Variants in CDH8 observed in about 807,000 individuals in gnomAD.
CDH8 encodes cadherin-8.
CDH8 carries 17 observed loss-of-function variants against 68.1 expected under a neutral mutation model. The ratio of observed to expected loss-of-function variants is 0.25; its 90% CI spans 0.17 to 0.37. The LOEUF is 0.37. CDH8 is among the 10% of genes least tolerant of loss of function. CDH8 has a pLI of 1.00. For synonymous variants in CDH8, 372 were observed against 365.1 expected (o/e 1.02, Z -0.21); for missense variants, 763 against 999.3 (o/e 0.76, Z 3.19).
intron 7 of CDH8, among the ~76,000 whole-genome samples, chr16:61,796,607 A>G (rs1320760876): frequency 6.6e-6 from 1 of 152,078 alleles, no homozygotes; most frequent in Non-Finnish European, 1.5e-5. Context: ...TTCACAAGAG[A>G]CTTATTTAAA....
chr16:61,658,924 T>A (rs1963502642), intron 10 of CDH8, among the ~76,000 whole-genome samples: 1 of 152,190 alleles, frequency 6.6e-6, no homozygotes, highest in Non-Finnish European at 1.5e-5. Flanking sequence ...AATGTCCACA[T>A]CTTTTGTTAG....
chr16:61,906,290 A>C (rs1383701606), intron 2 of CDH8, among the ~76,000 whole-genome samples: 1 of 152,166 alleles, frequency 6.6e-6, no homozygotes, highest in Non-Finnish European at 1.5e-5. Context: ...AAAAACATAG[A>C]CACCATTCTC....
At position 61,817,590 on chromosome 16, in the gene CDH8, G is replaced by A. The variant is rs770177053; in HGVS notation, c.1166C>T (p.Pro389Leu). 2.5e-6 allele frequency: 4 copies of A among 1,613,958 alleles called. No homozygotes were observed. Among genetic ancestry groups the A allele is most frequent in the Non-Finnish European group, 3.4e-6 (4 of 1,179,970 alleles). Residue 389 changes from proline to leucine, a missense_variant, in exon 7 of 12, where the codon CCG (proline) becomes CTG (leucine). Pro to Leu is a moderately conservative substitution (Grantham distance 98). Transcript: ENST00000577390. ...TAGGTAAGTCGGTGAAGAGAAGACCGGAGGCTCATCAGCATCTTCAACCAC... is the reference window on the plus strand; with the variant it reads ...TAGGTAAGTCGGTGAAGAGAAGACCAGAGGCTCATCAGCATCTTCAACCAC... ...KIVVEDADEPPVFSSPTYLLE... is the reference protein window; with the variant it reads ...KIVVEDADEPLVFSSPTYLLE...
intron 2 of CDH8, among the ~76,000 whole-genome samples, chr16:61,930,111 T>C (rs1361331161): frequency 6.6e-6 from 1 of 152,100 alleles, no homozygotes; most frequent in Non-Finnish European, 1.5e-5. Context: ...TGATTATAAC[T>C]GAGAGCTGAA....
At chr16:61,731,497 C>T (rs1213657117) in intron 8 of CDH8, among the ~76,000 whole-genome samples, 1 of 151,626 alleles carries the variant, frequency 6.6e-6, no homozygotes, top group Non-Finnish European at 1.5e-5. Flanking sequence ...AAAGAGAGCC[C>T]TGCCAAAACC....
chr16:61,767,090 A>G (rs1960614849), intron 8 of CDH8, among the ~76,000 whole-genome samples: 1 of 151,956 alleles, frequency 6.6e-6, no homozygotes, highest in Admixed American at 6.6e-5. Flanking sequence ...TTCTTCTGCT[A>G]TGCTGACACT....
At chr16:61,748,303 C>T (rs1367896155) in intron 8 of CDH8, among the ~76,000 whole-genome samples, 1 of 151,884 alleles carries the variant, frequency 6.6e-6, no homozygotes, top group Non-Finnish European at 1.5e-5. Flanking sequence ...TTTAATTTTC[C>T]TAACAATCCT....
intron 2 of CDH8, among the ~76,000 whole-genome samples, chr16:62,017,385 G>A (rs1901966735): frequency 6.6e-6 from 1 of 152,102 alleles, no homozygotes; most frequent in Admixed American, 6.6e-5. Flanking sequence ...AACTCTCTAA[G>A]AATATGACTT....
At chr16:61,808,764 T>G (rs1358468996) in intron 7 of CDH8, among the ~76,000 whole-genome samples, 1 of 152,196 alleles carries the variant, frequency 6.6e-6, no homozygotes, top group East Asian at 1.9e-4. Flanking sequence ...CCAACAGTCT[T>G]GTGTAGGGGG....
chr16:61,944,829 A>AT, intron 2 of CDH8, among the ~76,000 whole-genome samples: 1 of 152,270 alleles, frequency 6.6e-6, no homozygotes, highest in Admixed American at 6.5e-5. Context: ...TGGTTTTCTC[A>AT]TTTTTTTAAA....
chr16:61,774,497 C>T (rs2142990060), intron 8 of CDH8, among the ~76,000 whole-genome samples: 1 of 151,274 alleles, frequency 6.6e-6, no homozygotes, highest in Non-Finnish European at 1.5e-5. Flanking sequence ...ATCCAGAAAG[C>T]CATAATGGAT....
chr16:61,833,998 G>A (rs866760592), intron 4 of CDH8, among the ~76,000 whole-genome samples: 7 of 151,682 alleles, frequency 4.6e-5, no homozygotes, highest in East Asian at 1.9e-4. Flanking sequence ...CATAATTATC[G>A]CCCAGAACCT....
intron 1 of CDH8, among the ~76,000 whole-genome samples, chr16:62,027,869 C>T (rs1177844837): frequency 6.6e-6 from 1 of 152,096 alleles, no homozygotes; most frequent in Non-Finnish European, 1.5e-5. Flanking sequence ...GAAACATATT[C>T]TGAAATTGTT....
chr16:61,986,976 A>G (rs11863646), intron 2 of CDH8, among the ~76,000 whole-genome samples: 94,282 of 152,078 alleles, frequency 0.62, 29,544 homozygotes, highest in East Asian at 0.75. Context: ...TAATGGAAAA[A>G]CAATGAGAAT....
intron 2 of CDH8, among the ~76,000 whole-genome samples, chr16:61,919,853 T>C (rs943923624): frequency 1.2e-4 from 18 of 152,092 alleles, no homozygotes; most frequent in African/African-American, 4.3e-4. Flanking sequence ...CTTCAAACTA[T>C]ACTACAAGGC....
intron 7 of CDH8, among the ~76,000 whole-genome samples, chr16:61,802,145 T>C (rs2142997303): frequency 7.8e-6 from 1 of 128,640 alleles, no homozygotes; most frequent in South Asian, 2.6e-4. Flanking sequence ...CCTCCTCAAG[T>C]GGGTCCCTGA....
chr16:61,811,909 C>A (rs1961957236), intron 7 of CDH8, among the ~76,000 whole-genome samples: 1 of 152,130 alleles, frequency 6.6e-6, no homozygotes, highest in Non-Finnish European at 1.5e-5. Context: ...GAAAATGGGG[C>A]ATTGCTAATC....
At chr16:61,752,088 A>G (rs1437315253) in intron 8 of CDH8, among the ~76,000 whole-genome samples, 1 of 152,170 alleles carries the variant, frequency 6.6e-6, no homozygotes, top group Non-Finnish European at 1.5e-5. Context: ...TGAACATGAT[A>G]GCTAAATAAT....
intron 2 of CDH8, among the ~76,000 whole-genome samples, chr16:61,983,240 A>G (rs1021135525): frequency 2.0e-5 from 3 of 152,122 alleles, no homozygotes; most frequent in Middle Eastern, 6.8e-3. Context: ...TTTTGGCTCA[A>G]CTCTCTTTTT....
Sources: allele counts gnomAD v4.1 joint callset (sites outside exome capture counted in the v4.1 genomes callset), GRCh38; gene constraint gnomAD v4.1.1; transcripts MANE v1.5; gene names NCBI Gene and HGNC (gene_info 2026-07-23, HGNC 2026-07-21).